Variants in PTPRK observed in about 807,000 individuals in gnomAD.
PTPRK encodes protein tyrosine phosphatase receptor type K, also known as receptor-type tyrosine-protein phosphatase kappa.
Under a neutral mutation model 178.0 loss-of-function variants are expected in PTPRK, and 75 were observed. That is an observed-to-expected ratio of 0.42 (90% CI 0.35 to 0.51). PTPRK has a LOEUF of 0.51. Among genes scored for constraint, PTPRK ranks in the 20% least tolerant of loss-of-function variants. The pLI, the probability that PTPRK is intolerant of heterozygous loss-of-function variation, is 0.02. For missense variants in PTPRK, 1,441 were observed against 1,797.8 expected (o/e 0.80, Z 3.59); for synonymous variants, 637 against 620.6 (o/e 1.03, Z -0.39).
chr6:128,198,452 T>C (rs1389140414), intron 6 of PTPRK, among the ~76,000 whole-genome samples: 2 of 152,052 alleles, frequency 1.3e-5, no homozygotes, highest in African/African-American at 4.8e-5. Flanking sequence ...GAGGGGAACA[T>C]TATACACCAT....
At chr6:127,974,756 CA>C (rs1774334458) in intron 27 of PTPRK, among the ~76,000 whole-genome samples, 1 of 152,146 alleles carries the variant, frequency 6.6e-6, no homozygotes, top group Admixed American at 6.5e-5. Context: ...AAGGATTATA[CA>C]ATTTTCATGT....
At chr6:128,448,929 G>A (rs1257883670) in intron 1 of PTPRK, among the ~76,000 whole-genome samples, 2 of 151,988 alleles carry the variant, frequency 1.3e-5, no homozygotes, top group African/African-American at 2.4e-5. Context: ...GCATGATCTC[G>A]GCTCATTGCA....
At chr6:128,312,602 T>C (rs1406940666) in intron 3 of PTPRK, among the ~76,000 whole-genome samples, 4 of 152,190 alleles carry the variant, frequency 2.6e-5, no homozygotes, top group Non-Finnish European at 5.9e-5. Flanking sequence ...CCCCTCATTG[T>C]TTAATTATGG....
chr6:128,133,075 A>C (rs1794501024), intron 7 of PTPRK, among the ~76,000 whole-genome samples: 1 of 152,232 alleles, frequency 6.6e-6, no homozygotes, highest in South Asian at 2.1e-4. Flanking sequence ...CATGCTGACA[A>C]TTTCTGCTCA....
chr6:128,087,234 CA>C (rs1786030446), intron 8 of PTPRK, among the ~76,000 whole-genome samples: 2 of 151,934 alleles, frequency 1.3e-5, no homozygotes, highest in African/African-American at 4.8e-5. Context: ...CCAAAAATAC[CA>C]TCAAAATGAA....
chr6:128,481,000 A>G (rs1296456896), intron 1 of PTPRK, among the ~76,000 whole-genome samples: 1 of 152,084 alleles, frequency 6.6e-6, no homozygotes, highest in East Asian at 1.9e-4. Flanking sequence ...TATCTCCGCT[A>G]CTAGATTGGT....
chr6:128,200,849 G>C, intron 6 of PTPRK, among the ~76,000 whole-genome samples: 1 of 134,558 alleles, frequency 7.4e-6, no homozygotes, highest in Non-Finnish European at 1.6e-5. Flanking sequence ...GAGGAGGAGG[G>C]GGGGAGGAGG....
At chr6:128,032,332 T>C (rs560365434) in intron 13 of PTPRK, among the ~76,000 whole-genome samples, 1 of 152,282 alleles carries the variant, frequency 6.6e-6, no homozygotes, top group African/African-American at 2.4e-5. Flanking sequence ...CTTTCTGGCA[T>C]CTGGTTGTGT....
At chr6:128,042,304 CA>C (rs1329074193) in intron 13 of PTPRK, among the ~76,000 whole-genome samples, 2 of 152,002 alleles carry the variant, frequency 1.3e-5, no homozygotes, top group Non-Finnish European at 2.9e-5. Context: ...CAAGTTATAG[CA>C]AATTTGTGGG....
At chr6:128,305,420 C>G (rs1250903678) in intron 3 of PTPRK, among the ~76,000 whole-genome samples, 1 of 152,126 alleles carries the variant, frequency 6.6e-6, no homozygotes, top group Non-Finnish European at 1.5e-5. Flanking sequence ...TTCACTATGA[C>G]TCGCCTTGTT....
intron 14 of PTPRK, among the ~76,000 whole-genome samples, chr6:128,007,621 T>G (rs1225041673): frequency 3.3e-5 from 5 of 150,942 alleles, no homozygotes; most frequent in Admixed American, 3.3e-4. Flanking sequence ...TATTGCTAAA[T>G]CAGAGGCCTG....
intron 7 of PTPRK, among the ~76,000 whole-genome samples, chr6:128,091,943 C>T (rs1056583763): frequency 6.6e-6 from 1 of 152,142 alleles, no homozygotes; most frequent in African/African-American, 2.4e-5. Context: ...TCTTACATAT[C>T]TAAGAGTGGG....
chr6:128,514,243 A>C (rs1219896239), intron 1 of PTPRK, among the ~76,000 whole-genome samples: 1 of 152,246 alleles, frequency 6.6e-6, no homozygotes, highest in African/African-American at 2.4e-5. Flanking sequence ...TCTATGAAAT[A>C]AAGTAGTGAT....
chr6:128,472,797 T>C, intron 1 of PTPRK: 1 of 202,216 alleles, frequency 4.9e-6, no homozygotes, highest in South Asian at 7.4e-5. Context: ...AATCCAGAGT[T>C]TGACAAACCT....
At chr6:128,312,223 A>G (rs1827336919) in intron 3 of PTPRK, among the ~76,000 whole-genome samples, 1 of 152,224 alleles carries the variant, frequency 6.6e-6, no homozygotes, top group African/African-American at 2.4e-5. Flanking sequence ...CCTACATGCA[A>G]ATAAGACAGG....
chr6:128,038,278 C>T (rs1031121237), intron 13 of PTPRK, among the ~76,000 whole-genome samples: 14 of 152,070 alleles, frequency 9.2e-5, no homozygotes, highest in African/African-American at 3.4e-4. Context: ...GTCTTACTGT[C>T]ATTCTTCAAA....
chr6:128,208,367 C>T (rs1285083950), intron 6 of PTPRK, among the ~76,000 whole-genome samples: 1 of 151,032 alleles, frequency 6.6e-6, no homozygotes, highest in Non-Finnish European at 1.5e-5. Flanking sequence ...GGTCCAGGAG[C>T]ATTATTATCA....
intron 7 of PTPRK, among the ~76,000 whole-genome samples, chr6:128,133,954 T>C (rs959171101): frequency 6.6e-5 from 10 of 152,298 alleles, no homozygotes; most frequent in Middle Eastern, 6.8e-3. Context: ...ATAATAAGAA[T>C]ATAAAATTCC....
chr6:128,257,112 C>A (rs544773210), intron 3 of PTPRK, among the ~76,000 whole-genome samples: 1 of 151,850 alleles, frequency 6.6e-6, no homozygotes, highest in Non-Finnish European at 1.5e-5. Context: ...TGCCTGTAAT[C>A]CCAGCTACTC....
Sources: gnomAD v4.1 joint callset for allele counts (sites outside exome capture counted in the v4.1 genomes callset) on GRCh38, gnomAD v4.1.1 for gene constraint, MANE v1.5 for transcripts, NCBI Gene and HGNC (gene_info 2026-07-23, HGNC 2026-07-21) for gene names.